The following ARL9 variants were observed in gnomAD, a reference collection of about 807,000 sequenced individuals.
ARL9 encodes ARF like GTPase 9.
Under a neutral mutation model 27.0 loss-of-function variants are expected in ARL9, and 14 were observed. The ratio of observed to expected loss-of-function variants is 0.52; its 90% CI spans 0.34 to 0.81. The LOEUF (loss-of-function observed/expected upper bound fraction) is 0.81, where lower values mean the gene tolerates loss of function less well. Ranked by LOEUF, ARL9 falls within the 30% of genes least tolerant of loss-of-function variation. The pLI is 0.01. For synonymous variants in ARL9, 106 were observed against 108.7 expected (o/e 0.98, Z 0.15); for missense variants, 294 against 290.0 (o/e 1.01, Z -0.10).
At chr4:56,511,159 T>C (rs1405037468) in intron 1 of ARL9, 26 bp from the exon 2 acceptor site, 2 of 1,522,836 alleles carry the variant, frequency 1.3e-6, no homozygotes, top group Non-Finnish European at 1.8e-6. Context: ...AGCATGGGCT[T>C]ATTGATTTAT....
intron 3 of ARL9, 49 bp from the exon 4 acceptor site, chr4:56,523,648 A>T: frequency 6.7e-7 from 1 of 1,482,814 alleles, no homozygotes; most frequent in South Asian, 1.3e-5. Flanking sequence ...ATCTGAAAGG[A>T]TTGCAAAATA....
chr4:56,521,135 C>T (rs976589913), intron 3 of ARL9, among the ~76,000 whole-genome samples: 1 of 150,752 alleles, frequency 6.6e-6, no homozygotes, highest in Admixed American at 6.7e-5. Context: ...CACTTGAACC[C>T]GGGAGGTGGA....
chr4:56,513,796 C>G (rs1721702443), intron 2 of ARL9, among the ~76,000 whole-genome samples: 1 of 152,158 alleles, frequency 6.6e-6, no homozygotes, highest in Non-Finnish European at 1.5e-5. Flanking sequence ...AGAGTGCTAA[C>G]ATGCTCCCAG....
In ARL9 at chr4:56,520,665, A is replaced by G. The variant is rs183932529; in HGVS notation, c.618+1812A>G. Among the ~76,000 whole-genome samples the G allele has an allele frequency of 2.0e-3, 303 of 152,318 alleles. 11 individuals are homozygous for G. In the South Asian group the frequency reaches 0.049, roughly 25 times the overall value. On this transcript the variant is annotated intron_variant, in intron 3 of 3. Transcript: ENST00000640821. ...TGGTTAAGGAGAAAAATTTTGTTAC[A>G]TGTATTTAACACAATAAAAATTGAA... is the stretch of plus-strand genomic sequence containing the variant.
intron 3 of ARL9, among the ~76,000 whole-genome samples, chr4:56,519,382 G>A (rs1197825038): frequency 6.6e-6 from 1 of 152,104 alleles, no homozygotes; most frequent in African/African-American, 2.4e-5. Context: ...GAGGGCAGGG[G>A]TGGGGGATCA....
intron 1 of ARL9, 86 bp from the exon 2 acceptor site, chr4:56,511,099 C>A: frequency 7.7e-7 from 1 of 1,305,050 alleles, no homozygotes; most frequent in South Asian, 1.6e-5. Flanking sequence ...GGTTACAGTT[C>A]CAAGAATATT....
intron 2 of ARL9, among the ~76,000 whole-genome samples, chr4:56,516,724 G>A (rs1721777998): frequency 6.6e-6 from 1 of 152,046 alleles, no homozygotes. Context: ...GGAGTTCAAG[G>A]GTTCAAGACC....
At chr4:56,515,432 C>A (rs941860042) in intron 2 of ARL9, among the ~76,000 whole-genome samples, 17 of 152,012 alleles carry the variant, frequency 1.1e-4, no homozygotes, top group Non-Finnish European at 1.5e-5. Flanking sequence ...CCTACCAAAA[C>A]CTCAGAAAAC....
chr4:56,507,800 C>G (rs1241758930), intron 1 of ARL9, among the ~76,000 whole-genome samples: 1 of 151,146 alleles, frequency 6.6e-6, no homozygotes, highest in African/African-American at 2.4e-5. Flanking sequence ...ATGGCAAAAC[C>G]CCATCTCTAC....
chr4:56,523,806 G>A lies in ARL9; in HGVS notation c.728G>A (p.Gly243Asp). Residue 243 changes from glycine to aspartate, a missense_variant, in exon 4 of 4, where the codon GGC (glycine) becomes GAC (aspartate). Transcript: ENST00000640821. ...TTTGGAACCTACCTGACTAAGAATGGCTCAGAGATACCCTCCACCATGCAA... is the reference window on the plus strand; with the variant it reads ...TTTGGAACCTACCTGACTAAGAATGACTCAGAGATACCCTCCACCATGCAA... ...FLFGTYLTKNGSEIPSTMQDA... is the reference protein window; with the variant it reads ...FLFGTYLTKNDSEIPSTMQDA... The A allele has an allele frequency of 1.2e-6, 2 of 1,613,984 alleles. No homozygotes were observed. Among genetic ancestry groups the A allele is most frequent in the Non-Finnish European group, 1.7e-6 (2 of 1,179,894 alleles).
At chr4:56,506,726 G>A in intron 1 of ARL9, 2 of 977,606 alleles carry the variant, frequency 2.0e-6, no homozygotes, top group Non-Finnish European at 2.4e-6. Flanking sequence ...GAGTTCCTGA[G>A]CTGGCTCCTT....
In ARL9 at chr4:56,506,108, C is replaced by G. The variant is rs1478677962; in HGVS notation, c.246C>G (p.Asp82Glu). 1 of 1,233,764 alleles carries G rather than the reference C, an allele frequency of 8.1e-7. No individual in the cohort carries two copies. Among genetic ancestry groups the G allele is most frequent in the African/African-American group, 1.6e-5 (1 of 64,404 alleles). The allele number at this position is 1,233,764 out of a possible 1,614,324, so 76.4% of individuals were successfully genotyped here. Reference sequence around the variant, plus strand: ...AAGAAGAGAAAGGGGAGAACAAGGACAGCACCTTGACAAGGACCCCGCTCG... The same window carrying G: ...AAGAAGAGAAAGGGGAGAACAAGGAGAGCACCTTGACAAGGACCCCGCTCG... ...KGQEEKGENK[D>E]STLTRTPLEP... Residue 82 changes from aspartate (D) to glutamate (E), a missense_variant, in exon 1 of 4, where the codon GAC becomes GAG. By Grantham distance (45) the Asp-to-Glu change is conservative. Coordinates refer to ENST00000640821, the MANE Select transcript of ARL9 (RefSeq NM_001363794.2).
At chr4:56,516,621 T>G (rs1472378671) in intron 2 of ARL9, among the ~76,000 whole-genome samples, 4 of 150,030 alleles carry the variant, frequency 2.7e-5, no homozygotes, top group Non-Finnish European at 4.4e-5. Context: ...AAAAGAAATC[T>G]GATAATATCA....
intron 2 of ARL9, among the ~76,000 whole-genome samples, chr4:56,514,199 C>A (rs1002066401): frequency 6.6e-6 from 1 of 151,914 alleles, no homozygotes; most frequent in Non-Finnish European, 1.5e-5. Context: ...ATCTACTGAT[C>A]AAAACTAGCA....
upstream of ARL9, chr4:56,505,424 G>A (rs1453607946): frequency 4.4e-6 from 2 of 458,630 alleles, no homozygotes; most frequent in African/African-American, 2.0e-5. Context: ...GGCCGGTCTC[G>A]GGATTGAAGC....
intron 1 of ARL9, among the ~76,000 whole-genome samples, chr4:56,510,638 T>C (rs1721612344): frequency 6.6e-6 from 1 of 152,176 alleles, no homozygotes; most frequent in Non-Finnish European, 1.5e-5. Flanking sequence ...TAGTATTTAT[T>C]TGATAGACTG....
In ARL9 at chr4:56,523,787, A is replaced by T; in HGVS notation, c.709A>T (p.Thr237Ser). ...TGACAGGAAGATGTTCTTGTTTGGA[A>T]CCTACCTGACTAAGAATGGCTCAGA... ...GNDRKMFLFG[T>S]YLTKNGSEIP... Residue 237 changes from threonine to serine, a missense_variant, in exon 4 of 4, where the codon ACC becomes TCC. Thr to Ser is a moderately conservative substitution (Grantham distance 58, BLOSUM62 1). Coordinates refer to ENST00000640821, the MANE Select transcript of ARL9 (RefSeq NM_001363794.2). 1 of 1,613,878 alleles carries T rather than the reference A, an allele frequency of 6.2e-7. No homozygotes were observed. Among genetic ancestry groups the T allele is most frequent in the Non-Finnish European group, 8.5e-7 (1 of 1,179,808 alleles).
At chr4:56,514,650 T>C (rs1578211305) in intron 2 of ARL9, among the ~76,000 whole-genome samples, 1 of 152,284 alleles carries the variant, frequency 6.6e-6, no homozygotes, top group African/African-American at 2.4e-5. Flanking sequence ...TATTGAATAA[T>C]TTAAAACTTT....
At chr4:56,505,381 A>G (rs1362044854), upstream of ARL9, 1 of 457,074 alleles carries the variant, frequency 2.2e-6, no homozygotes, top group Non-Finnish European at 4.4e-6. Context: ...GAACCTCTGG[A>G]TTCTGACGCC....
Sources: gnomAD v4.1 joint callset for allele counts (sites outside exome capture counted in the v4.1 genomes callset) on GRCh38, gnomAD v4.1.1 for gene constraint, MANE v1.5 for transcripts, NCBI Gene and HGNC (gene_info 2026-07-23, HGNC 2026-07-21) for gene names.